Variants in ZNF44 observed in about 807,000 individuals in gnomAD.
The protein encoded by ZNF44 is gonadotropin inducible transcription repressor-2.
A neutral mutation model predicts 11.7 loss-of-function variants in ZNF44; 9 were observed. The ratio of observed to expected loss-of-function variants is 0.77; its 90% CI spans 0.46 to 1.35. The LOEUF is 1.35. ZNF44 is among the 40% of genes most tolerant of loss of function. ZNF44 has a pLI of 0.00. For missense variants in ZNF44, 696 were observed against 743.1 expected, an observed-to-expected ratio of 0.94 and a Z score of 0.74; for synonymous variants, 224 against 242.7, an observed-to-expected ratio of 0.92 and a Z score of 0.72.
At chr19:12,228,369 G>A (rs1916007543) in intron 3 of ZNF44, among the ~76,000 whole-genome samples, 1 of 152,144 alleles carries the variant, frequency 6.6e-6, no homozygotes, top group Non-Finnish European at 1.5e-5. Flanking sequence ...TTATGTACTA[G>A]GTGTAGAGCC....
chr19:12,267,841 T>TTA (rs1029865525), downstream of ZNF44, among the ~76,000 whole-genome samples: 35 of 151,420 alleles, frequency 2.3e-4, no homozygotes, highest in African/African-American at 8.5e-4. Flanking sequence ...GTCTTTTTTT[T>TTA]TTTTTTAATT....
chr19:12,264,064 G>T (rs927594833), intron 5 of ZNF44, among the ~76,000 whole-genome samples: 13 of 152,194 alleles, frequency 8.5e-5, no homozygotes, highest in African/African-American at 3.1e-4. Context: ...CCCAGCCTGG[G>T]TGACAGAGTA....
rs189085010 is a variant in ZNF44 at position 12,285,070 on chromosome 19, G to A, written c.4-8988C>T. The stretch of plus-strand genomic sequence containing the variant: ...TACAGCTACCTAACCCCTGACCTCT[G>A]GAAGGAGACTGTATTCACCAAGTCT... On this transcript the variant is annotated intron_variant, in intron 1 of 3. Coordinates refer to ENST00000355684, the MANE Select transcript of ZNF44 (RefSeq NM_016264.4). 1.2e-3 allele frequency: 814 copies of A among 671,448 alleles called. 2 individuals are homozygous for A. The highest frequency in any genetic ancestry group is 1.9e-3 in the Admixed American group (84 of 43,530). 41.6% of individuals were successfully genotyped at this position (671,448 alleles called of 1,614,324 possible).
chr19:12,270,208 T>G (rs764771679), downstream of ZNF44, among the ~76,000 whole-genome samples: 32 of 152,120 alleles, frequency 2.1e-4, no homozygotes, highest in Non-Finnish European at 1.0e-4. Flanking sequence ...TTTCTTAGGT[T>G]CCATTCCTCC....
At chr19:12,252,616 T>C (rs1317608743) in intron 5 of ZNF44, among the ~76,000 whole-genome samples, 2 of 152,034 alleles carry the variant, frequency 1.3e-5, no homozygotes, top group Non-Finnish European at 2.9e-5. Flanking sequence ...GAGGGAGGAA[T>C]TGGGAATACT....
chr19:12,262,262 A>ATTTTTC (rs983338938), intron 5 of ZNF44, among the ~76,000 whole-genome samples: 1 of 152,038 alleles, frequency 6.6e-6, no homozygotes, highest in East Asian at 1.9e-4. Flanking sequence ...ATAAAAATTC[A>ATTTTTC]TTTTTCTTTT....
chr19:12,264,418 A>C (rs1336688346), intron 5 of ZNF44, among the ~76,000 whole-genome samples: 12 of 152,202 alleles, frequency 7.9e-5, no homozygotes, highest in Admixed American at 7.9e-4. Flanking sequence ...TCCGCTCACT[A>C]GTCATGCGGC....
intron 2 of ZNF44, among the ~76,000 whole-genome samples, chr19:12,233,571 A>C (rs1219336364): frequency 3.5e-5 from 5 of 142,640 alleles, no homozygotes; most frequent in Admixed American, 1.4e-4. Context: ...AAAAAAAAAA[A>C]ACCTGACAAT....
chr19:12,256,202 C>T (rs192937792), intron 5 of ZNF44, among the ~76,000 whole-genome samples: 5 of 152,188 alleles, frequency 3.3e-5, no homozygotes, highest in East Asian at 1.9e-4. Flanking sequence ...TTAAAATTTG[C>T]GCACAAGGAT....
At chr19:12,265,010 C>T (rs1244300718) in intron 5 of ZNF44, among the ~76,000 whole-genome samples, 1 of 151,796 alleles carries the variant, frequency 6.6e-6, no homozygotes, top group Non-Finnish European at 1.5e-5. Context: ...AAGTGGTTTT[C>T]TAAACAATCA....
chr19:12,290,268 C>T (rs1238486090), intron 1 of ZNF44, among the ~76,000 whole-genome samples: 1 of 151,398 alleles, frequency 6.6e-6, no homozygotes, highest in Non-Finnish European at 1.5e-5. Context: ...GCCTATAATC[C>T]CAGCTACTCA....
downstream of ZNF44, among the ~76,000 whole-genome samples, chr19:12,267,945 T>C (rs1182640621): frequency 6.6e-6 from 1 of 151,694 alleles, no homozygotes; most frequent in Admixed American, 6.6e-5. Context: ...CAAGCGATTC[T>C]CCTGTCTCAG....
At position 12,276,008 on chromosome 19, in the gene ZNF44, CT is replaced by C; in HGVS notation, c.77del (p.Lys26ArgfsTer7). ...CTCGCATCACATCTCTGTAGAGATT[CT>C]TCTGTGATGGACCCAGCAAAGCCCA... is the stretch of plus-strand genomic sequence containing the variant. ...EEWALLGPSQKNLYRDVMRET... is the reference protein window; with the variant it reads ...EEWALLGPSQXNLYRDVMRET... On this transcript the variant is annotated frameshift_variant, in exon 2 of 4. Coordinates refer to ENST00000355684, the MANE Select transcript of ZNF44 (RefSeq NM_016264.4). LOFTEE classifies it high-confidence loss of function. 3 of 1,609,826 alleles carry C rather than the reference CT, an allele frequency of 1.9e-6. No individual in the cohort carries two copies. The highest frequency in any genetic ancestry group is 1.7e-6 in the Non-Finnish European group (2 of 1,177,118).
Position 12,292,855 on chromosome 19 carries a change from G to GTTTTTTTTTTTTT in ZNF44, c.3+1824_3+1836dup, listed in dbSNP as rs71166664. Among the ~76,000 whole-genome samples the GTTTTTTTTTTTTT allele has an allele frequency of 1.0e-3, 80 of 76,912 alleles. 1 individual carries two copies. Among genetic ancestry groups the GTTTTTTTTTTTTT allele is most frequent in the African/African-American group, 3.6e-3 (75 of 20,594 alleles). The allele number at this position is 76,912 out of a possible 152,430, so 50.5% of individuals were successfully genotyped here. On this transcript the variant is annotated intron_variant, in intron 1 of 3. Transcript: ENST00000355684. The stretch of plus-strand genomic sequence containing the variant: ...AAAATGTCAATGTCCCAGAGGTTAG[G>GTTTTTTTTTTTTT]TTTTTTTTTTTTTTTTTTTTTTTTT...
At chr19:12,257,743 G>A (rs1244679306) in intron 5 of ZNF44, among the ~76,000 whole-genome samples, 3 of 150,662 alleles carry the variant, frequency 2.0e-5, no homozygotes, top group Non-Finnish European at 4.4e-5. Flanking sequence ...GGAGGCTGCA[G>A]TGAGCCGAGA....
intron 1 of ZNF44, among the ~76,000 whole-genome samples, chr19:12,276,980 T>C (rs185474946): frequency 1.3e-5 from 2 of 152,280 alleles, no homozygotes; most frequent in African/African-American, 2.4e-5. Context: ...TTGACCTTAC[T>C]TGATCTTCCC....
chr19:12,284,569 T>G, intron 1 of ZNF44: 1 of 714,322 alleles, frequency 1.4e-6, no homozygotes, highest in South Asian at 1.4e-5. Context: ...TCCCTGCCCA[T>G]CAAGGAATCT....
chr19:12,242,538 A>G (rs976816464), upstream of ZNF44, among the ~76,000 whole-genome samples: 1 of 150,498 alleles, frequency 6.6e-6, no homozygotes, highest in African/African-American at 2.5e-5. Context: ...AAAACTGGCC[A>G]GGCACATTGG....
chr19:12,230,182 G>A (rs1483822136), intron 3 of ZNF44, among the ~76,000 whole-genome samples: 1 of 152,212 alleles, frequency 6.6e-6, no homozygotes, highest in Non-Finnish European at 1.5e-5. Context: ...AGGTTGTGAA[G>A]GAGACAGCAC....
Sources: gnomAD v4.1 joint callset for allele counts (sites outside exome capture counted in the v4.1 genomes callset) on GRCh38, gnomAD v4.1.1 for gene constraint, MANE v1.5 for transcripts, NCBI Gene and HGNC (gene_info 2026-07-23, HGNC 2026-07-21) for gene names.